Variants in TRPM6 observed in about 807,000 individuals in gnomAD.
TRPM6 encodes transient receptor potential cation channel subfamily M member 6, also known as channel kinase 2.
In TRPM6, 111 loss-of-function variants were observed where a neutral mutation model predicts 247.6. The ratio of observed to expected loss-of-function variants is 0.45; its 90% CI spans 0.38 to 0.52. The LOEUF (loss-of-function observed/expected upper bound fraction) is 0.52. TRPM6 is among the 20% of genes least tolerant of loss of function. The pLI, the probability that TRPM6 is intolerant of heterozygous loss-of-function variation, is 0.00. For missense variants in TRPM6, 2,126 were observed against 2,421.5 expected (o/e 0.88, Z 2.56); for synonymous variants, 892 against 853.8 (o/e 1.04, Z -0.78).
At chr9:74,868,563 T>C (rs371916630) in intron 1 of TRPM6, among the ~76,000 whole-genome samples, 1 of 152,114 alleles carries the variant, frequency 6.6e-6, no homozygotes, top group Non-Finnish European at 1.5e-5. Flanking sequence ...GAAGCACTTA[T>C]GTTAACAAAT....
chr9:74,738,919 C>T lies in TRPM6; in HGVS notation c.5571-307G>A, dbSNP rs140023201. On this transcript the variant is annotated intron_variant, in intron 35 of 38. Coordinates refer to ENST00000360774, the MANE Select transcript of TRPM6 (RefSeq NM_017662.5). ...GAATGAAGCTTTACTCTGTCCAGCA[C>T]CAAATTATGATCTGTGTCTCAATAA... Among the ~76,000 whole-genome samples the T allele has an allele frequency of 1.4e-4, 22 of 152,266 alleles. 1 individual carries two copies. The East Asian group carries it at 2.5e-3, about 17-fold the overall frequency.
chr9:74,827,611 G>A, intron 7 of TRPM6, 167 bp downstream of exon 7: 1 of 733,036 alleles, frequency 1.4e-6, no homozygotes, highest in East Asian at 2.7e-5. Context: ...GATACATGGA[G>A]GGAGAGAGGA....
chr9:74,788,784 AGCATGGAGCAT>A (rs1207191841), intron 19 of TRPM6, 42 bp from the exon 20 acceptor site: 4 of 1,609,064 alleles, frequency 2.5e-6, no homozygotes, highest in Non-Finnish European at 3.4e-6. Context: ...AGTGAGAGCA[AGCATGGAGCAT>A]GCCAAGGAGA....
At chr9:74,792,812 A>G in intron 18 of TRPM6, 42 bp from the exon 19 acceptor site, 1 of 1,577,158 alleles carries the variant, frequency 6.3e-7, no homozygotes, top group Non-Finnish European at 8.7e-7. Context: ...CAGCAGCTTA[A>G]CTAAAATAGT....
intron 5 of TRPM6, among the ~76,000 whole-genome samples, chr9:74,835,890 C>G (rs1161901448): frequency 6.6e-6 from 1 of 152,070 alleles, no homozygotes; most frequent in African/African-American, 2.4e-5. Context: ...ACACAGCCTC[C>G]CCGACTATCA....
chr9:74,848,568 C>G (rs954831746), intron 3 of TRPM6, among the ~76,000 whole-genome samples: 12 of 152,142 alleles, frequency 7.9e-5, no homozygotes, highest in African/African-American at 2.9e-4. Context: ...GGTAAAATGG[C>G]AGAAAAGGTG....
chr9:74,766,981 G>A (rs1826848967), intron 25 of TRPM6, among the ~76,000 whole-genome samples: 1 of 152,108 alleles, frequency 6.6e-6, no homozygotes, highest in South Asian at 2.1e-4. Context: ...ATCAAACCTA[G>A]ACAGGCCGAC....
intron 30 of TRPM6, among the ~76,000 whole-genome samples, chr9:74,750,003 G>A (rs181937349): frequency 2.0e-5 from 3 of 152,138 alleles, no homozygotes; most frequent in South Asian, 4.1e-4. Context: ...GGAAAGTCCA[G>A]AAAATACTAC....
At chr9:74,881,992 ATT>A (rs1831379399) in intron 1 of TRPM6, among the ~76,000 whole-genome samples, 1 of 152,206 alleles carries the variant, frequency 6.6e-6, no homozygotes, top group Non-Finnish European at 1.5e-5. Flanking sequence ...AAAACTGGAT[ATT>A]TATATGCAGC....
chr9:74,827,508 T>C (rs931862785), intron 7 of TRPM6, among the ~76,000 whole-genome samples: 7 of 151,886 alleles, frequency 4.6e-5, no homozygotes, highest in African/African-American at 1.5e-4. Context: ...CAGTGCAGAC[T>C]TGTGGATGAC....
chr9:74,783,802 C>T (rs966040497), intron 21 of TRPM6, among the ~76,000 whole-genome samples: 10 of 152,192 alleles, frequency 6.6e-5, no homozygotes, highest in Admixed American at 2.0e-4. Context: ...TGGAGGTTGT[C>T]TCTTTTCTGT....
intron 6 of TRPM6, among the ~76,000 whole-genome samples, chr9:74,829,178 G>A (rs1829460128): frequency 1.3e-5 from 2 of 152,168 alleles, no homozygotes; most frequent in South Asian, 4.1e-4. Flanking sequence ...CTGTAGTCCA[G>A]CTACTCAGGA....
At chr9:74,821,217 G>A (rs1256271338) in intron 8 of TRPM6, among the ~76,000 whole-genome samples, 2 of 152,124 alleles carry the variant, frequency 1.3e-5, no homozygotes, top group Non-Finnish European at 2.9e-5. Context: ...GAAGGGGAAA[G>A]AATTAAAGCC....
chr9:74,808,567 A>G (rs909863884), intron 13 of TRPM6, among the ~76,000 whole-genome samples: 3 of 152,216 alleles, frequency 2.0e-5, no homozygotes, highest in African/African-American at 7.2e-5. Context: ...AGAAAAACAA[A>G]TAAATATGTA....
chr9:74,764,697 C>T (rs1002155425), intron 25 of TRPM6, among the ~76,000 whole-genome samples: 3 of 152,140 alleles, frequency 2.0e-5, no homozygotes, highest in East Asian at 1.9e-4. Flanking sequence ...TAAATTACAA[C>T]ATGTATGAGT....
rs1047682791 is a variant in TRPM6 at position 74,808,082 on chromosome 9, A to G, written c.1590T>C (p.Thr530=). The G allele has an allele frequency of 1.2e-6, 2 of 1,613,986 alleles. No individual in the cohort carries two copies. The highest frequency in any genetic ancestry group is 1.3e-5 in the African/African-American group (1 of 75,018). Residue 530 remains threonine (T), a synonymous_variant, in exon 14 of 39, where the codon ACT becomes ACC. Transcript: ENST00000360774. ...LIGRAYRSNY[T]RKHFRALYNN... is the part of the protein sequence containing the mutation. Reference sequence around the variant, plus strand: ...TGTAGAGGGCTCTGAAATGTTTTCTAGTGTAGTTGCTGCGATATGCTCTAC... The same window carrying G: ...TGTAGAGGGCTCTGAAATGTTTTCTGGTGTAGTTGCTGCGATATGCTCTAC...
At chr9:74,810,237 G>A (rs908246876) in intron 13 of TRPM6, among the ~76,000 whole-genome samples, 8 of 152,176 alleles carry the variant, frequency 5.3e-5, no homozygotes, top group African/African-American at 1.9e-4. Flanking sequence ...GTTTGTTAAA[G>A]TTGGAAGGCT....
Position 74,827,884 on chromosome 9 carries a change from G to A in TRPM6, c.735C>T (p.His245=), listed in dbSNP as rs749642142. 2 of 1,614,122 alleles carry A rather than the reference G, an allele frequency of 1.2e-6. No individual in the cohort carries two copies. Among genetic ancestry groups the A allele is most frequent in the East Asian group, 2.2e-5 (1 of 44,868 alleles). ...CATCATCAGACAGGATGAAGTGCGA[G>A]TGCATGCTGTTGAGTGTTGTGAGCT... ...LSKLTTLNSM[H]SHFILSDDGT... Residue 245 remains histidine (H), a synonymous_variant, in exon 7 of 39, where the codon CAC becomes CAT. Transcript: ENST00000360774.
At chr9:74,808,011 T>C (rs764461187) in intron 14 of TRPM6, 23 bp downstream of exon 14, 5 of 1,613,598 alleles carry the variant, frequency 3.1e-6, no homozygotes, top group Admixed American at 3.3e-5. Flanking sequence ...CAATTTTACT[T>C]GGGCACTTTT....
Sources: allele counts gnomAD v4.1 joint callset (sites outside exome capture counted in the v4.1 genomes callset), GRCh38; gene constraint gnomAD v4.1.1; transcripts MANE v1.5; gene names NCBI Gene and HGNC (gene_info 2026-07-23, HGNC 2026-07-21).